TRAPPC9: variants seen among roughly 807,000 people sequenced by gnomAD.
TRAPPC9 encodes the protein IKK2 binding protein.
TRAPPC9 carries 83 observed loss-of-function variants against 124.0 expected under a neutral mutation model. The observed-to-expected ratio is 0.67, with a 90% CI of 0.56 to 0.80. TRAPPC9 has a LOEUF of 0.80. Ranked by LOEUF, TRAPPC9 falls within the 30% of genes least tolerant of loss-of-function variation. The pLI, the probability that TRAPPC9 is intolerant of heterozygous loss-of-function variation, is 0.00. For synonymous variants in TRAPPC9, 638 were observed against 617.5 expected (o/e 1.03, Z -0.49); for missense variants, 1,302 against 1,508.3 (o/e 0.86, Z 2.27).
intron 19 of TRAPPC9, among the ~76,000 whole-genome samples, chr8:139,920,637 T>C (rs573448807): frequency 1.6e-4 from 25 of 152,320 alleles, no homozygotes; most frequent in African/African-American, 5.8e-4. Context: ...ATCAACTGTT[T>C]TGAAGTTTCT....
chr8:140,437,216 T>C (rs770273926), intron 3 of TRAPPC9, among the ~76,000 whole-genome samples: 2 of 152,152 alleles, frequency 1.3e-5, no homozygotes, highest in South Asian at 2.1e-4. Context: ...ACCCAGTTAA[T>C]GTTTTTTAAT....
intron 16 of TRAPPC9, among the ~76,000 whole-genome samples, chr8:140,238,747 C>T (rs914069588): frequency 1.3e-5 from 2 of 152,162 alleles, no homozygotes; most frequent in South Asian, 4.1e-4. Context: ...AACAATGCGC[C>T]CCTCTTGTGA....
chr8:139,794,380 A>T (rs1271952375), intron 21 of TRAPPC9, among the ~76,000 whole-genome samples: 1 of 152,118 alleles, frequency 6.6e-6, no homozygotes, highest in Non-Finnish European at 1.5e-5. Context: ...ACCCCATCTC[A>T]GGCCGTTTCC....
In TRAPPC9 at chr8:139,825,221, C is replaced by T. The variant is rs1051930580; in HGVS notation, c.3055+60658G>A. 6.6e-6 allele frequency among the ~76,000 whole-genome samples: 1 copy of T among 152,210 alleles called. No homozygotes were observed. Among genetic ancestry groups the T allele is most frequent in the African/African-American group, 2.4e-5 (1 of 41,458 alleles). ...AGAGCTAGAGCCCAACAGGGCAGCC[C>T]ACGCAGGGTGGGCAGAGAAACGGCT... On this transcript the variant is annotated intron_variant, in intron 21 of 22. Coordinates refer to ENST00000438773, the MANE Select transcript of TRAPPC9 (RefSeq NM_001160372.4). The surrounding 1 kb of genome is among the most constrained non-coding windows in gnomAD (Gnocchi z 4.6).
At chr8:140,136,489 T>C (rs2061305923) in intron 17 of TRAPPC9, among the ~76,000 whole-genome samples, 3 of 152,130 alleles carry the variant, frequency 2.0e-5, no homozygotes, top group African/African-American at 7.2e-5. Flanking sequence ...AGTGTGACAC[T>C]AGAAGTACAG....
chr8:139,735,830 G>C (rs1265708632), intron 21 of TRAPPC9, among the ~76,000 whole-genome samples: 1 of 152,202 alleles, frequency 6.6e-6, no homozygotes, highest in East Asian at 1.9e-4. Context: ...TGAAGGCTTG[G>C]AGCCAGCTGT....
At chr8:139,962,996 T>A (rs567012976) in intron 19 of TRAPPC9, among the ~76,000 whole-genome samples, 1 of 151,892 alleles carries the variant, frequency 6.6e-6, no homozygotes, top group Non-Finnish European at 1.5e-5. Flanking sequence ...CCCCCAGGAG[T>A]GGAAAATAAT....
intron 17 of TRAPPC9, among the ~76,000 whole-genome samples, chr8:140,109,942 T>G (rs2060733177): frequency 6.6e-6 from 1 of 152,132 alleles, no homozygotes; most frequent in Non-Finnish European, 1.5e-5. Context: ...AAATCCTTCA[T>G]GCTGAACATG....
At chr8:140,064,627 G>A (rs1469261423) in intron 17 of TRAPPC9, among the ~76,000 whole-genome samples, 1 of 152,196 alleles carries the variant, frequency 6.6e-6, no homozygotes, top group Non-Finnish European at 1.5e-5. Flanking sequence ...AGGCTTAAAT[G>A]CTGGAGGGCT....
intron 17 of TRAPPC9, among the ~76,000 whole-genome samples, chr8:140,089,212 G>A (rs1051358592): frequency 3.9e-5 from 6 of 152,054 alleles, no homozygotes; most frequent in African/African-American, 9.7e-5. Flanking sequence ...TGGGCAGCCC[G>A]CTTCAAAAGC....
intron 21 of TRAPPC9, among the ~76,000 whole-genome samples, chr8:139,736,767 C>T (rs1338714646): frequency 6.6e-6 from 1 of 152,176 alleles, no homozygotes; most frequent in African/African-American, 2.4e-5. Context: ...TTCGTGACCC[C>T]GTCAGCAGCA....
intron 17 of TRAPPC9, among the ~76,000 whole-genome samples, chr8:140,079,032 G>C (rs1843664830): frequency 6.6e-6 from 1 of 152,130 alleles, no homozygotes; most frequent in South Asian, 2.1e-4. Flanking sequence ...CTGAATCATA[G>C]GGGTGGGTAT....
chr8:140,145,698 G>T (rs56152923), intron 17 of TRAPPC9, among the ~76,000 whole-genome samples: 126 of 151,816 alleles, frequency 8.3e-4, no homozygotes, highest in Non-Finnish European at 1.2e-3. Context: ...GTTTTTTTGG[G>T]GGGTTTTTGT....
chr8:139,978,234 C>T (rs2254922), intron 19 of TRAPPC9, among the ~76,000 whole-genome samples: 119,328 of 151,656 alleles, frequency 0.79, 47,515 homozygotes, highest in Middle Eastern at 0.92. Context: ...CACCCTGGGA[C>T]CTTTTTAACG....
At chr8:140,168,326 C>A (rs2061888231) in intron 17 of TRAPPC9, among the ~76,000 whole-genome samples, 1 of 152,054 alleles carries the variant, frequency 6.6e-6, no homozygotes, top group South Asian at 2.1e-4. Flanking sequence ...AGTGCATTCA[C>A]AATGTTATGC....
rs1413444299 is a variant in TRAPPC9 at position 139,885,984 on chromosome 8, A to G, written c.2965-15T>C. On this transcript the variant is annotated splice_polypyrimidine_tract_variant and intron_variant, in intron 20 of 22. Transcript: ENST00000438773. ...TTCAGGGAGGGGTGAGCCTTGGTCA[A>G]GGAAAACGCAACTCCTGCGGAGCCC... The G allele has an allele frequency of 6.4e-7, 1 of 1,557,312 alleles. No individual in the cohort carries two copies. The highest frequency in any genetic ancestry group is 1.2e-5 in the South Asian group (1 of 84,398).
intron 2 of TRAPPC9, among the ~76,000 whole-genome samples, chr8:140,440,606 C>T (rs1165072009): frequency 2.0e-5 from 3 of 152,114 alleles, no homozygotes. Context: ...CACCCTGCAC[C>T]CCCTTCCCCT....
At chr8:140,144,267 G>A (rs1295997234) in intron 17 of TRAPPC9, among the ~76,000 whole-genome samples, 1 of 152,154 alleles carries the variant, frequency 6.6e-6, no homozygotes, top group East Asian at 1.9e-4. Flanking sequence ...TTCATCAATA[G>A]AGAGTAAGTT....
chr8:139,736,615 G>A (rs147979206), intron 21 of TRAPPC9, among the ~76,000 whole-genome samples: 24 of 152,308 alleles, frequency 1.6e-4, no homozygotes, highest in African/African-American at 5.8e-4. Flanking sequence ...GGATGTCCTG[G>A]TCTCCCCTGG....
Sources: allele counts gnomAD v4.1 joint callset (sites outside exome capture counted in the v4.1 genomes callset), GRCh38; gene constraint gnomAD v4.1.1; non-coding constraint Gnocchi (gnomAD v3.1); transcripts MANE v1.5; gene names NCBI Gene and HGNC (gene_info 2026-07-23, HGNC 2026-07-21).